The following SPOCK1 variants were observed in gnomAD, a reference collection of about 807,000 sequenced individuals.
SPOCK1 encodes the protein testican-1.
SPOCK1 carries 23 observed loss-of-function variants against 55.3 expected under a neutral mutation model. The observed-to-expected ratio is 0.42, with a 90% CI of 0.30 to 0.59. The LOEUF (loss-of-function observed/expected upper bound fraction) is 0.59. Among genes scored for constraint, SPOCK1 ranks in the 20% least tolerant of loss-of-function variants. The pLI is 0.22. For synonymous variants in SPOCK1, 226 were observed against 221.0 expected (o/e 1.02, Z -0.20); for missense variants, 499 against 552.5 (o/e 0.90, Z 0.97).
At chr5:137,418,490 C>T (rs990233120) in intron 2 of SPOCK1, among the ~76,000 whole-genome samples, 100 of 151,920 alleles carry the variant, frequency 6.6e-4, no homozygotes, top group South Asian at 3.1e-3. Context: ...TTTTAATGAT[C>T]GCCATTCTAA....
At chr5:137,282,343 A>C (rs1315324847) in intron 2 of SPOCK1, among the ~76,000 whole-genome samples, 1 of 152,254 alleles carries the variant, frequency 6.6e-6, no homozygotes, top group Non-Finnish European at 1.5e-5. Flanking sequence ...AAGTGTAAAT[A>C]AAATGCCACT....
At chr5:137,329,067 T>G (rs1758126886) in intron 2 of SPOCK1, among the ~76,000 whole-genome samples, 1 of 152,156 alleles carries the variant, frequency 6.6e-6, no homozygotes, top group Non-Finnish European at 1.5e-5. Flanking sequence ...AGATTCACAT[T>G]TGAATCAGTG....
chr5:137,442,316 C>G (rs2149832429), intron 2 of SPOCK1, among the ~76,000 whole-genome samples: 1 of 152,290 alleles, frequency 6.6e-6, no homozygotes, highest in South Asian at 2.1e-4. Context: ...GAGGCTCTGA[C>G]TTGGATAAAA....
At chr5:137,125,532 AG>A (rs1753768648) in intron 4 of SPOCK1, among the ~76,000 whole-genome samples, 1 of 152,178 alleles carries the variant, frequency 6.6e-6, no homozygotes, top group Non-Finnish European at 1.5e-5. Flanking sequence ...CCCTTATAAA[AG>A]AGACCACAGA....
intron 2 of SPOCK1, among the ~76,000 whole-genome samples, chr5:137,413,713 G>A (rs781361741): frequency 1.3e-5 from 2 of 152,178 alleles, no homozygotes; most frequent in Non-Finnish European, 2.9e-5. Flanking sequence ...ATAATGTGAT[G>A]TCACAACTCT....
chr5:137,123,757 G>A (rs1453292635), intron 4 of SPOCK1, among the ~76,000 whole-genome samples: 1 of 152,118 alleles, frequency 6.6e-6, no homozygotes, highest in African/African-American at 2.4e-5. Flanking sequence ...AAATCACCTA[G>A]AGGAAGGGGA....
chr5:137,479,276 G>A (rs1192722986), intron 2 of SPOCK1, among the ~76,000 whole-genome samples: 2 of 152,192 alleles, frequency 1.3e-5, no homozygotes, highest in African/African-American at 2.4e-5. Flanking sequence ...CATTAGGGAA[G>A]TCTCTGTCCC....
chr5:137,045,088 A>G (rs1433090803), intron 6 of SPOCK1, among the ~76,000 whole-genome samples: 1 of 148,776 alleles, frequency 6.7e-6, no homozygotes, highest in Admixed American at 6.7e-5. Context: ...ATTGTGAATA[A>G]TGCCGCAATA....
At chr5:137,062,789 C>T (rs1752418871) in intron 6 of SPOCK1, among the ~76,000 whole-genome samples, 1 of 152,038 alleles carries the variant, frequency 6.6e-6, no homozygotes, top group African/African-American at 2.4e-5. Flanking sequence ...TTTCATCTCC[C>T]TCTTTTTAAC....
intron 3 of SPOCK1, among the ~76,000 whole-genome samples, chr5:137,158,798 C>A (rs1244814540): frequency 6.6e-6 from 1 of 151,950 alleles, no homozygotes; most frequent in African/African-American, 2.4e-5. Context: ...TGTGAGAAGA[C>A]CCCCAAGCAA....
chr5:137,341,486 A>C (rs1750422336), intron 2 of SPOCK1, among the ~76,000 whole-genome samples: 1 of 152,258 alleles, frequency 6.6e-6, no homozygotes, highest in Admixed American at 6.5e-5. Context: ...ATAGCAAAAA[A>C]TAAAAGCAAA....
intron 2 of SPOCK1, among the ~76,000 whole-genome samples, chr5:137,466,294 T>C (rs928616350): frequency 4.6e-5 from 7 of 152,204 alleles, no homozygotes; most frequent in Admixed American, 4.6e-4. Flanking sequence ...AGCATGCTAA[T>C]TCATAGGGTA....
At chr5:137,151,161 T>A (rs1467040001) in intron 3 of SPOCK1, among the ~76,000 whole-genome samples, 1 of 152,104 alleles carries the variant, frequency 6.6e-6, no homozygotes, top group African/African-American at 2.4e-5. Flanking sequence ...TTTGTAATTT[T>A]TTTTTTGTTG....
At chr5:137,144,548 C>T (rs1029850173) in intron 3 of SPOCK1, among the ~76,000 whole-genome samples, 10 of 152,136 alleles carry the variant, frequency 6.6e-5, no homozygotes, top group African/African-American at 2.4e-4. Context: ...TTAATCACCT[C>T]GCCGCATTTT....
rs142947080 is a variant in SPOCK1 at position 137,306,750 on chromosome 5, C to A, written c.187-39695G>T. ...CCGACCATGTTTGTAATGTGCATAG[C>A]TTTTTAAAGTTTATAATTTTGTGAT... On this transcript the variant is annotated intron_variant, in intron 2 of 10. Transcript: ENST00000394945. Among the ~76,000 whole-genome samples, 605 of 151,580 alleles carry A rather than the reference C, an allele frequency of 4.0e-3. 3 individuals carry two copies. The highest frequency in any genetic ancestry group is 0.014 in the African/African-American group (582 of 41,302).
At chr5:137,243,691 C>T (rs1193998133) in intron 3 of SPOCK1, among the ~76,000 whole-genome samples, 1 of 152,206 alleles carries the variant, frequency 6.6e-6, no homozygotes, top group Non-Finnish European at 1.5e-5. Flanking sequence ...ACTGATGGTG[C>T]TGCTGATTCA....
intron 8 of SPOCK1, among the ~76,000 whole-genome samples, chr5:136,986,791 TGATA>T (rs1161900687): frequency 3.3e-5 from 5 of 152,150 alleles, no homozygotes; most frequent in African/African-American, 4.8e-5. Flanking sequence ...CACCATGGGT[TGATA>T]GATCCTGTTC....
chr5:137,452,386 C>T (rs979182400), intron 2 of SPOCK1, among the ~76,000 whole-genome samples: 2 of 152,018 alleles, frequency 1.3e-5, no homozygotes, highest in African/African-American at 4.8e-5. Context: ...ATTATGAAGC[C>T]GTCATTTTGA....
chr5:137,070,452 C>T (rs1209564085), intron 5 of SPOCK1, among the ~76,000 whole-genome samples: 1 of 152,174 alleles, frequency 6.6e-6, no homozygotes, highest in Non-Finnish European at 1.5e-5. Context: ...ATGACATACA[C>T]AGAGCCCTGG....
Sources: allele counts gnomAD v4.1 joint callset (sites outside exome capture counted in the v4.1 genomes callset), GRCh38; gene constraint gnomAD v4.1.1; transcripts MANE v1.5; gene names NCBI Gene and HGNC (gene_info 2026-07-23, HGNC 2026-07-21).